Variants in CCSER1 observed in about 807,000 individuals in gnomAD.
CCSER1 encodes coiled-coil serine rich protein 1, also known as serine-rich coiled-coil domain-containing protein 1.
CCSER1 carries 41 observed loss-of-function variants against 82.0 expected under a neutral mutation model. The observed-to-expected ratio is 0.50, with a 90% CI of 0.39 to 0.65. The LOEUF (loss-of-function observed/expected upper bound fraction) is 0.65, where lower values mean the gene tolerates loss of function less well. Among genes scored for constraint, CCSER1 ranks in the 30% least tolerant of loss-of-function variants. The pLI is 0.00. For missense variants in CCSER1, 1,119 were observed against 1,064.2 expected, an observed-to-expected ratio of 1.05 and a Z score of -0.72; for synonymous variants, 414 against 383.9, an observed-to-expected ratio of 1.08 and a Z score of -0.92.
intron 10 of CCSER1, among the ~76,000 whole-genome samples, chr4:91,552,722 A>G (rs1578771148): frequency 6.6e-6 from 1 of 151,502 alleles, no homozygotes; most frequent in East Asian, 1.9e-4. Flanking sequence ...TTGCATGTTG[A>G]TTTTATATCT....
intron 5 of CCSER1, among the ~76,000 whole-genome samples, chr4:90,607,027 T>C (rs1026063437): frequency 6.6e-6 from 1 of 152,220 alleles, no homozygotes; most frequent in Admixed American, 6.5e-5. Context: ...ATCATAATAA[T>C]CATTGCTAGT....
In CCSER1 at chr4:91,540,458, A is replaced by T. The variant is rs528824827; in HGVS notation, c.2218-58114A>T. Among the ~76,000 whole-genome samples the T allele has an allele frequency of 3.3e-5, 5 of 152,272 alleles. No individual in the cohort carries two copies. The South Asian group carries it at 1.0e-3, about 32-fold the overall frequency. The stretch of plus-strand genomic sequence containing the variant: ...GAGCTCTTTTTATGCTTTGAAAAAC[A>T]GCCCTTTATCAGATGCGTATTGAAT... On this transcript the variant is annotated intron_variant, in intron 10 of 10. Coordinates refer to ENST00000509176, the MANE Select transcript of CCSER1 (RefSeq NM_001145065.2).
chr4:90,838,334 C>G (rs982607207), intron 8 of CCSER1, among the ~76,000 whole-genome samples: 4 of 151,098 alleles, frequency 2.6e-5, no homozygotes, highest in Admixed American at 6.6e-5. Flanking sequence ...CAATTTAATT[C>G]AGTTGTCTAA....
At chr4:91,346,879 C>G (rs898430088) in intron 10 of CCSER1, among the ~76,000 whole-genome samples, 14 of 151,978 alleles carry the variant, frequency 9.2e-5, no homozygotes, top group African/African-American at 3.4e-4. Context: ...TTTTGGGTAC[C>G]AGTCCATTAT....
At chr4:91,019,595 C>T (rs1408998291) in intron 9 of CCSER1, among the ~76,000 whole-genome samples, 2 of 152,034 alleles carry the variant, frequency 1.3e-5, no homozygotes, top group Non-Finnish European at 2.9e-5. Context: ...TAATAATGCA[C>T]ACTCCCAGCT....
chr4:90,254,978 A>ACAC (rs1553972303), intron 1 of CCSER1, among the ~76,000 whole-genome samples: 1 of 142,928 alleles, frequency 7.0e-6, no homozygotes, highest in Non-Finnish European at 1.6e-5. Flanking sequence ...CATATATATC[A>ACAC]ACACACACAC....
chr4:90,485,614 G>T (rs1395746744), intron 5 of CCSER1, among the ~76,000 whole-genome samples: 1 of 151,814 alleles, frequency 6.6e-6, no homozygotes, highest in South Asian at 2.1e-4. Flanking sequence ...ATGTGTCATG[G>T]GGGTTTGTGA....
intron 10 of CCSER1, among the ~76,000 whole-genome samples, chr4:91,136,394 T>C (rs1008594408): frequency 6.6e-6 from 1 of 152,248 alleles, no homozygotes; most frequent in African/African-American, 2.4e-5. Context: ...TACAGTCATC[T>C]GTTTTAATTG....
chr4:91,374,471 C>T (rs78488758), intron 10 of CCSER1, among the ~76,000 whole-genome samples: 4 of 152,306 alleles, frequency 2.6e-5, no homozygotes, highest in Non-Finnish European at 5.9e-5. Flanking sequence ...GATGACAGCA[C>T]TGCTGTTTAC....
intron 7 of CCSER1, among the ~76,000 whole-genome samples, chr4:90,742,057 A>T (rs760630507): frequency 7.9e-5 from 12 of 152,102 alleles, no homozygotes; most frequent in Non-Finnish European, 1.5e-4. Flanking sequence ...AAGGGGAAGC[A>T]AGTATGTCTT....
chr4:90,657,000 T>G (rs896356458), intron 6 of CCSER1, among the ~76,000 whole-genome samples: 1 of 152,070 alleles, frequency 6.6e-6, no homozygotes, highest in African/African-American at 2.4e-5. Context: ...ACCTCAATAT[T>G]TATTAAGATT....
intron 10 of CCSER1, among the ~76,000 whole-genome samples, chr4:91,367,013 G>T (rs549960757): frequency 1.3e-5 from 2 of 151,622 alleles, no homozygotes; most frequent in Admixed American, 6.6e-5. Flanking sequence ...AATATTAAGA[G>T]CTGAGCACAG....
At chr4:91,578,627 A>C (rs746652903) in intron 10 of CCSER1, among the ~76,000 whole-genome samples, 10 of 151,966 alleles carry the variant, frequency 6.6e-5, no homozygotes, top group Non-Finnish European at 1.5e-4. Context: ...GAGTCAAGTG[A>C]ATGATAGAAT....
At chr4:90,489,967 T>A (rs1430831062) in intron 5 of CCSER1, among the ~76,000 whole-genome samples, 1 of 152,216 alleles carries the variant, frequency 6.6e-6, no homozygotes, top group Non-Finnish European at 1.5e-5. Context: ...TTTTGAATAG[T>A]GCCGCAATAA....
At position 91,022,317 on chromosome 4, in the gene CCSER1, A is replaced by T. The variant is rs577458259; in HGVS notation, c.2173-63633A>T. Among the ~76,000 whole-genome samples the T allele has an allele frequency of 3.9e-5, 6 of 152,010 alleles. 1 individual carries two copies. The South Asian group carries it at 1.2e-3, about 32-fold the overall frequency. Reference sequence around the variant, plus strand: ...GGTTTCCAGCTTCATCCATGTCCCTACAAAAGACATGAACTCATCATTTTT... The same window carrying T: ...GGTTTCCAGCTTCATCCATGTCCCTTCAAAAGACATGAACTCATCATTTTT... On this transcript the variant is annotated intron_variant, in intron 9 of 10. Coordinates refer to ENST00000509176, the MANE Select transcript of CCSER1 (RefSeq NM_001145065.2).
intron 8 of CCSER1, among the ~76,000 whole-genome samples, chr4:90,842,267 T>C (rs1762666550): frequency 6.6e-6 from 1 of 152,228 alleles, no homozygotes; most frequent in African/African-American, 2.4e-5. Context: ...ATTAAAATTC[T>C]TGTTATTTTT....
chr4:90,236,498 C>T (rs561277675), intron 1 of CCSER1, among the ~76,000 whole-genome samples: 3 of 151,884 alleles, frequency 2.0e-5, no homozygotes, highest in East Asian at 1.9e-4. Flanking sequence ...TTCTTAAGGG[C>T]GAAACAATCT....
At chr4:90,695,533 G>A (rs1353656477) in intron 6 of CCSER1, among the ~76,000 whole-genome samples, 4 of 152,002 alleles carry the variant, frequency 2.6e-5, no homozygotes, top group Non-Finnish European at 5.9e-5. Flanking sequence ...ACCTAGAAAG[G>A]AGTAAGGAAT....
At chr4:91,322,624 T>G (rs1331466460) in intron 10 of CCSER1, among the ~76,000 whole-genome samples, 1 of 100,784 alleles carries the variant, frequency 9.9e-6, no homozygotes, top group African/African-American at 4.2e-5. Context: ...TAGAAATACA[T>G]TATATTAATT....
Sources: allele counts gnomAD v4.1 joint callset (sites outside exome capture counted in the v4.1 genomes callset), GRCh38; gene constraint gnomAD v4.1.1; transcripts MANE v1.5; gene names NCBI Gene and HGNC (gene_info 2026-07-23, HGNC 2026-07-21).